The following SH3D19 variants were observed in gnomAD, a reference collection of about 807,000 sequenced individuals.
SH3D19 encodes the protein SH3 domain-containing protein 19.
In SH3D19, 58 loss-of-function variants were observed where a neutral mutation model predicts 112.1. The observed-to-expected ratio is 0.52, with a 90% CI of 0.42 to 0.64. The LOEUF (loss-of-function observed/expected upper bound fraction) is 0.64. SH3D19 is among the 30% of genes least tolerant of loss of function. The pLI, the probability that SH3D19 is intolerant of heterozygous loss-of-function variation, is 0.00. For missense variants in SH3D19, 1,090 were observed against 1,263.4 expected (o/e 0.86, Z 2.08); for synonymous variants, 391 against 448.5 (o/e 0.87, Z 1.62).
chr4:151,302,991 A>G (rs571893713), intron 1 of SH3D19, among the ~76,000 whole-genome samples: 1 of 152,278 alleles, frequency 6.6e-6, no homozygotes, highest in South Asian at 2.1e-4. Context: ...TGTTGTGCAC[A>G]TGTACCCCAG....
chr4:151,226,500 G>GA, intron 1 of SH3D19: 1 of 987,068 alleles, frequency 1.0e-6, no homozygotes, highest in South Asian at 4.7e-5. Flanking sequence ...TGGGGAGGGG[G>GA]AAAAATGAGC....
At chr4:151,144,650 C>G (rs1407790692) in intron 11 of SH3D19, among the ~76,000 whole-genome samples, 1 of 152,204 alleles carries the variant, frequency 6.6e-6, no homozygotes, top group Non-Finnish European at 1.5e-5. Flanking sequence ...AGGGTTCTTA[C>G]AATGGTGGCC....
chr4:151,201,372 G>A (rs1344776211), intron 2 of SH3D19, among the ~76,000 whole-genome samples: 2 of 151,986 alleles, frequency 1.3e-5, no homozygotes, highest in Non-Finnish European at 2.9e-5. Context: ...AAAAATACAG[G>A]GTGTTAATCA....
Position 151,137,822 on chromosome 4 carries a change from A to C in SH3D19, c.2337T>G (p.Val779=). The change falls in exon 14 of 20, where the codon GTT becomes GTG. Residue 779 remains valine, a synonymous_variant. Coordinates refer to ENST00000604030, the MANE Select transcript of SH3D19 (RefSeq NM_001378122.1). ...DDLNLTSGEI[V]YLLEKIDTDW... ...CTGTATCTATCTTCTCCAGAAGATA[A>C]ACAATTTCTCCAGAAGTGAGGTTCA... The C allele has an allele frequency of 6.2e-7, 1 of 1,609,694 alleles. No homozygotes were observed. Among genetic ancestry groups the C allele is most frequent in the South Asian group, 1.1e-5 (1 of 90,298 alleles).
At chr4:151,229,171 C>T (rs2149954324) in intron 1 of SH3D19, among the ~76,000 whole-genome samples, 1 of 152,152 alleles carries the variant, frequency 6.6e-6, no homozygotes, top group East Asian at 1.9e-4. Flanking sequence ...TGTGCTCAGC[C>T]TTCCAATTTT....
chr4:151,150,982 AC>A (rs1451018082), intron 9 of SH3D19, among the ~76,000 whole-genome samples: 8 of 132,564 alleles, frequency 6.0e-5, no homozygotes, highest in Non-Finnish European at 1.1e-4. Flanking sequence ...TTTTTTGGAG[AC>A]AGAGTCTCAC....
rs1027439722 is a variant in SH3D19 at position 151,325,514 on chromosome 4, G to C, written c.-162C>G. 2.2e-5 allele frequency: 7 copies of C among 313,776 alleles called. No homozygotes were observed. Among genetic ancestry groups the C allele is most frequent in the African/African-American group, 1.5e-4 (7 of 45,496 alleles). The allele number at this position is 313,776 out of a possible 1,614,324, so 19.4% of individuals were successfully genotyped here. On this transcript the variant is annotated 5_prime_UTR_variant, in exon 1 of 20. Coordinates refer to ENST00000604030, the MANE Select transcript of SH3D19 (RefSeq NM_001378122.1). ...CGGCTGTGGAAATGGCCACCTCCGC[G>C]AACTCCACCTGCAGCCGGCCGGGCA...
intron 1 of SH3D19, among the ~76,000 whole-genome samples, chr4:151,239,928 G>A (rs570988468): frequency 4.4e-4 from 67 of 152,244 alleles, no homozygotes; most frequent in Non-Finnish European, 8.2e-4. Flanking sequence ...TAAATGACCA[G>A]GAGGAGATTT....
intron 9 of SH3D19, among the ~76,000 whole-genome samples, chr4:151,154,783 AG>A (rs1236696806): frequency 6.6e-6 from 1 of 151,750 alleles, no homozygotes; most frequent in Non-Finnish European, 1.5e-5. Flanking sequence ...TCTGGAGACG[AG>A]TCTTGCTCTG....
At chr4:151,297,809 T>C (rs551117555) in intron 1 of SH3D19, among the ~76,000 whole-genome samples, 1 of 152,328 alleles carries the variant, frequency 6.6e-6, no homozygotes, top group South Asian at 2.1e-4. Context: ...AAAGGGGATT[T>C]TGCACATATG....
intron 1 of SH3D19, among the ~76,000 whole-genome samples, chr4:151,278,814 G>C (rs1325217372): frequency 5.3e-5 from 8 of 152,056 alleles, no homozygotes. Flanking sequence ...TATATTTTTT[G>C]TAGAGACGGT....
intron 3 of SH3D19, among the ~76,000 whole-genome samples, chr4:151,180,951 T>A (rs1299067851): frequency 1.5e-5 from 2 of 133,938 alleles, no homozygotes; most frequent in African/African-American, 5.2e-5. Context: ...TTTTTTGTAT[T>A]TTTAGTAGAG....
chr4:151,164,035 T>C (rs2149804745), intron 8 of SH3D19, among the ~76,000 whole-genome samples: 1 of 152,354 alleles, frequency 6.6e-6, no homozygotes, highest in South Asian at 2.1e-4. Context: ...GCTACTTGGC[T>C]GAGAGCCATC....
At chr4:151,312,460 ATG>A (rs995631709) in intron 1 of SH3D19, among the ~76,000 whole-genome samples, 4 of 152,172 alleles carry the variant, frequency 2.6e-5, no homozygotes, top group African/African-American at 9.6e-5. Context: ...TCATGAGCAC[ATG>A]TTTTCTTTAA....
rs375371364 is a variant in SH3D19, at chr4:151,175,005, G to A, written c.1199C>T (p.Pro400Leu). ...GCTCTCAGCCAGGGGCCCTCTTCCC[G>A]GAATCTCAGGATTAACACTTCGTAT... ...GLIRSVNPEI[P>L]GRGPLAESSD... is the part of the protein sequence containing the mutation. The change falls in exon 7 of 20, where the codon CCG (proline) becomes CTG (leucine). Residue 400 changes from proline to leucine, a missense_variant. Coordinates refer to ENST00000604030, the MANE Select transcript of SH3D19 (RefSeq NM_001378122.1). 76 of 1,614,150 alleles carry A rather than the reference G, an allele frequency of 4.7e-5. No individual in the cohort carries two copies. The highest frequency in any genetic ancestry group is 4.1e-4 in the African/African-American group (31 of 75,028).
chr4:151,141,013 T>C (rs1406186568), intron 12 of SH3D19: 1 of 152,248 alleles, frequency 6.6e-6, no homozygotes, highest in East Asian at 1.9e-4. Context: ...TGTAGCTTAC[T>C]ATATTAGCTT....
At chr4:151,214,919 C>T (rs1766789458) in intron 2 of SH3D19, among the ~76,000 whole-genome samples, 1 of 146,854 alleles carries the variant, frequency 6.8e-6, no homozygotes, top group African/African-American at 2.5e-5. Context: ...TCAGATGGGG[C>T]GGTTGCCAGG....
chr4:151,145,564 G>A (rs1169320363), intron 11 of SH3D19, among the ~76,000 whole-genome samples: 1 of 152,048 alleles, frequency 6.6e-6, no homozygotes, highest in African/African-American at 2.4e-5. Context: ...GTCTCCCTTT[G>A]CTGACTCCTT....
At chr4:151,163,211 G>A (rs1395448324) in intron 8 of SH3D19, among the ~76,000 whole-genome samples, 1 of 152,104 alleles carries the variant, frequency 6.6e-6, no homozygotes, top group Non-Finnish European at 1.5e-5. Flanking sequence ...CACCACATTT[G>A]CCTTTTCTCT....
Sources: gnomAD v4.1 joint callset for allele counts (sites outside exome capture counted in the v4.1 genomes callset) on GRCh38, gnomAD v4.1.1 for gene constraint, MANE v1.5 for transcripts, NCBI Gene and HGNC (gene_info 2026-07-23, HGNC 2026-07-21) for gene names.